PARP8: variants seen among roughly 807,000 people sequenced by gnomAD.
The protein encoded by PARP8 is poly(ADP-ribose) polymerase family member 8.
Under a neutral mutation model 124.1 loss-of-function variants are expected in PARP8, and 51 were observed. The ratio of observed to expected loss-of-function variants is 0.41; its 90% confidence interval spans 0.33 to 0.52. The LOEUF (loss-of-function observed/expected upper bound fraction) is 0.52. PARP8 is among the 20% of genes least tolerant of loss of function. The probability of loss-of-function intolerance (pLI) is 0.21; values close to 1 mark genes in which losing one functional copy is unlikely to be tolerated. For synonymous variants in PARP8, 391 were observed against 361.5 expected (o/e 1.08, Z -0.93); for missense variants, 860 against 1,018.9 (o/e 0.84, Z 2.12).
At chr5:50,829,460 T>A (rs1476941208) in intron 21 of PARP8, among the ~76,000 whole-genome samples, 1 of 152,212 alleles carries the variant, frequency 6.6e-6, no homozygotes, top group African/African-American at 2.4e-5. Flanking sequence ...ATGAAACTTA[T>A]GTAACCTGAA....
chr5:50,813,922 A>G (rs1466331584), intron 14 of PARP8, among the ~76,000 whole-genome samples: 4 of 152,166 alleles, frequency 2.6e-5, no homozygotes, highest in Non-Finnish European at 5.9e-5. Flanking sequence ...GTCATAACTC[A>G]TGTCAGTAAA....
chr5:50,758,641 G>A (rs758566534), intron 3 of PARP8, among the ~76,000 whole-genome samples: 1 of 152,086 alleles, frequency 6.6e-6, no homozygotes, highest in East Asian at 1.9e-4. Flanking sequence ...TTATGTGTTC[G>A]TGGTATTTTA....
chr5:50,788,231 T>C (rs1741509452), intron 9 of PARP8, among the ~76,000 whole-genome samples: 1 of 142,794 alleles, frequency 7.0e-6, no homozygotes, highest in Non-Finnish European at 1.5e-5. Context: ...ATACTGTATA[T>C]TATTATACAG....
intron 2 of PARP8, among the ~76,000 whole-genome samples, chr5:50,684,824 A>G (rs1751678322): frequency 6.6e-6 from 1 of 152,132 alleles, no homozygotes; most frequent in Admixed American, 6.5e-5. Flanking sequence ...CCTTTCCCTG[A>G]AGTGGCATGT....
In PARP8 at chr5:50,794,999, A is replaced by G; in HGVS notation, c.1010A>G (p.His337Arg). ...GATGATGTGTGTGTCACAAAGTCAC[A>G]CAGGACCTTTGGCCGCTCCTTGTCC... ...KTDDVCVTKS[H>R]RTFGRSLSSD... The change falls in exon 12 of 26, where the codon CAC (histidine) becomes CGC (arginine). Residue 337 changes from histidine (H) to arginine (R), a missense_variant. His to Arg is a conservative substitution (Grantham distance 29). Around this residue, in one of 2 missense-constraint regions of PARP8, gnomAD observed 517 missense variants for 544.2 expected, o/e 0.95. Transcript: ENST00000281631. The G allele has an allele frequency of 1.2e-6, 2 of 1,614,224 alleles. No homozygotes were observed. The highest frequency in any genetic ancestry group is 1.1e-5 in the South Asian group (1 of 91,086).
intron 8 of PARP8, 90 bp downstream of exon 8, chr5:50,778,219 A>T: frequency 1.0e-6 from 1 of 991,504 alleles, no homozygotes; most frequent in Middle Eastern, 3.0e-4. Flanking sequence ...GTTTTGTCTT[A>T]TAATACTATT....
intron 9 of PARP8, among the ~76,000 whole-genome samples, chr5:50,784,047 C>G (rs958493186): frequency 6.6e-6 from 1 of 151,966 alleles, no homozygotes; most frequent in Non-Finnish European, 1.5e-5. Context: ...TTTAAAAAAT[C>G]GGTGATTTAA....
Position 50,803,983 on chromosome 5 carries a change from T to G in PARP8, c.1575+6750T>G, listed in dbSNP as rs142853661. On this transcript the variant is annotated intron_variant, in intron 14 of 25. Coordinates refer to ENST00000281631, the MANE Select transcript of PARP8 (RefSeq NM_024615.4). ...AGCCTTCATTCCTGCTTGTACAGAG[T>G]GGTAAGATCAGCCAGAGGTGAGATT... 1.8e-3 allele frequency among the ~76,000 whole-genome samples: 267 copies of G among 152,128 alleles called. 1 individual carries two copies. Among genetic ancestry groups the G allele is most frequent in the African/African-American group, 6.0e-3 (248 of 41,494 alleles).
intron 7 of PARP8, 26 bp from the exon 8 acceptor site, chr5:50,778,043 A>G: frequency 1.3e-6 from 2 of 1,569,694 alleles, no homozygotes; most frequent in Middle Eastern, 1.7e-4. Flanking sequence ...TAAAATGAAA[A>G]AAACAGTGTT....
intron 2 of PARP8, among the ~76,000 whole-genome samples, chr5:50,717,815 A>G (rs1580079141): frequency 1.3e-5 from 2 of 152,070 alleles, no homozygotes; most frequent in East Asian, 1.9e-4. Flanking sequence ...GCAATTTTGC[A>G]TAATCATTAA....
At chr5:50,820,342 G>C (rs1301117443) in intron 15 of PARP8, among the ~76,000 whole-genome samples, 1 of 152,118 alleles carries the variant, frequency 6.6e-6, no homozygotes, top group Non-Finnish European at 1.5e-5. Context: ...TAAGTCACTT[G>C]TGTTCACACT....
intron 2 of PARP8, among the ~76,000 whole-genome samples, chr5:50,722,236 G>A (rs536106349): frequency 1.3e-5 from 2 of 152,212 alleles, no homozygotes; most frequent in African/African-American, 4.8e-5. Context: ...CACTGCCGCT[G>A]AAAACTGAAG....
chr5:50,775,370 C>A (rs1287807289), intron 7 of PARP8, among the ~76,000 whole-genome samples: 1 of 152,200 alleles, frequency 6.6e-6, no homozygotes, highest in East Asian at 1.9e-4. Flanking sequence ...GCCCGGCCAA[C>A]ACGGTGAAAC....
chr5:50,708,555 T>C (rs1333165563), intron 2 of PARP8, among the ~76,000 whole-genome samples: 1 of 152,140 alleles, frequency 6.6e-6, no homozygotes, highest in East Asian at 1.9e-4. Flanking sequence ...AATATCCTAC[T>C]ACTGTGCAGT....
At chr5:50,803,243 G>A (rs1250830323) in intron 14 of PARP8, among the ~76,000 whole-genome samples, 2 of 152,036 alleles carry the variant, frequency 1.3e-5, no homozygotes, top group Non-Finnish European at 2.9e-5. Context: ...TGCTTCTCTC[G>A]CTGATTTCGA....
chr5:50,741,864 CA>C, intron 2 of PARP8: 3 of 441,224 alleles, frequency 6.8e-6, no homozygotes, highest in Non-Finnish European at 1.3e-5. Context: ...AGGCCGGGTG[CA>C]ATAGCGCGAT....
intron 25 of PARP8, among the ~76,000 whole-genome samples, chr5:50,837,297 A>T (rs1203297062): frequency 2.0e-5 from 3 of 152,142 alleles, no homozygotes; most frequent in African/African-American, 7.2e-5. Context: ...AAATTGATAA[A>T]TTCAAAACAC....
At chr5:50,698,877 C>T (rs1753301933) in intron 2 of PARP8, among the ~76,000 whole-genome samples, 1 of 152,100 alleles carries the variant, frequency 6.6e-6, no homozygotes, top group Non-Finnish European at 1.5e-5. Context: ...AAAAATGTAC[C>T]AAATAAATGT....
At chr5:50,823,171 A>G (rs1251821206) in intron 17 of PARP8, among the ~76,000 whole-genome samples, 1 of 151,984 alleles carries the variant, frequency 6.6e-6, no homozygotes, top group East Asian at 1.9e-4. Flanking sequence ...TGGGTCCTTT[A>G]TTTTCTCTGG....
Sources: allele counts gnomAD v4.1 joint callset (sites outside exome capture counted in the v4.1 genomes callset), GRCh38; gene constraint gnomAD v4.1.1; regional missense constraint gnomAD v4.1.1; transcripts MANE v1.5; gene names NCBI Gene and HGNC (gene_info 2026-07-23, HGNC 2026-07-21).